HSF2BP: variants seen among roughly 807,000 people sequenced by gnomAD.
HSF2BP encodes the protein heat shock transcription factor 2 binding protein, also known as heat shock factor 2-binding protein.
A neutral mutation model predicts 35.0 loss-of-function variants in HSF2BP; 35 were observed. The ratio of observed to expected loss-of-function variants is 1.00; its 90% CI spans 0.76 to 1.32. The LOEUF (loss-of-function observed/expected upper bound fraction) is 1.32. HSF2BP is among the 40% of genes most tolerant of loss of function. The probability of loss-of-function intolerance (pLI) is 0.00; values close to 1 mark genes in which losing one functional copy is unlikely to be tolerated. For missense variants in HSF2BP, 326 were observed against 321.7 expected (o/e 1.01, Z -0.10); for synonymous variants, 114 against 117.4 (o/e 0.97, Z 0.18).
rs772144021 is a variant in HSF2BP, at chr21:43,597,729, C to T, written c.693-5401G>A. On this transcript the variant is annotated intron_variant, in intron 7 of 8. Transcript: ENST00000291560. This position sits in a 1 kb window ranked among gnomAD's most constrained non-coding sequence, Gnocchi z 4.3. The stretch of plus-strand genomic sequence containing the variant: ...ATGAGGTCTTGCCATCTTGCCAAGG[C>T]TGGTCTTGAATTCTCGGCCTCAGGC... 1.1e-4 allele frequency among the ~76,000 whole-genome samples: 17 copies of T among 152,170 alleles called. No individual in the cohort carries two copies. Among genetic ancestry groups the T allele is most frequent in the Non-Finnish European group, 2.5e-4 (17 of 68,038 alleles).
chr21:43,642,455 G>A (rs1458164517), intron 4 of HSF2BP, among the ~76,000 whole-genome samples: 2 of 152,154 alleles, frequency 1.3e-5, no homozygotes, highest in African/African-American at 4.8e-5. Context: ...TACAGATAAG[G>A]CAGCTGCTAG....
intron 8 of HSF2BP, among the ~76,000 whole-genome samples, chr21:43,579,313 C>A (rs901764128): frequency 6.6e-6 from 1 of 152,124 alleles, no homozygotes; most frequent in Non-Finnish European, 1.5e-5. Context: ...AGAATTCATG[C>A]AGAGTTATTA....
intron 4 of HSF2BP, 113 bp from the exon 5 acceptor site, chr21:43,633,534 G>A: frequency 2.0e-6 from 2 of 979,902 alleles, no homozygotes; most frequent in Non-Finnish European, 2.9e-6. Context: ...TATAATTATA[G>A]AAAATAGTTG....
intron 8 of HSF2BP, among the ~76,000 whole-genome samples, chr21:43,579,424 G>A (rs769806528): frequency 9.9e-5 from 15 of 152,184 alleles, no homozygotes; most frequent in Middle Eastern, 3.2e-3. Context: ...AGATGCCACC[G>A]TCTAAAGATG....
intron 4 of HSF2BP, among the ~76,000 whole-genome samples, chr21:43,636,727 A>G (rs2082564219): frequency 6.6e-6 from 1 of 152,004 alleles, no homozygotes; most frequent in South Asian, 2.1e-4. Flanking sequence ...CCCTGTCTCT[A>G]ATAAAAATAC....
At chr21:43,624,546 CAGGCCA>C (rs975352155) in intron 6 of HSF2BP, among the ~76,000 whole-genome samples, 8 of 152,134 alleles carry the variant, frequency 5.3e-5, no homozygotes, top group African/African-American at 1.9e-4. Flanking sequence ...GAGGGATTGG[CAGGCCA>C]AGAGCAGCCA....
At chr21:43,633,502 A>G in intron 4 of HSF2BP, 81 bp from the exon 5 acceptor site, 1 of 1,195,020 alleles carries the variant, frequency 8.4e-7, no homozygotes, top group Non-Finnish European at 1.1e-6. Context: ...TTTCACAAAG[A>G]TATTTATTAA....
intron 3 of HSF2BP, among the ~76,000 whole-genome samples, chr21:43,649,648 C>T (rs2082756272): frequency 6.6e-6 from 1 of 152,116 alleles, no homozygotes; most frequent in South Asian, 2.1e-4. Flanking sequence ...TGTCAACATA[C>T]AAAAATAATT....
intron 7 of HSF2BP, among the ~76,000 whole-genome samples, chr21:43,595,343 G>A (rs545634446): frequency 6.6e-6 from 1 of 152,018 alleles, no homozygotes; most frequent in Non-Finnish European, 1.5e-5. Context: ...AGAAAGAGAA[G>A]GCTGAGGTAG....
chr21:43,605,019 A>G (rs1187044338), intron 7 of HSF2BP, among the ~76,000 whole-genome samples: 1 of 148,226 alleles, frequency 6.7e-6, no homozygotes, highest in East Asian at 2.0e-4. Context: ...CACCACACAC[A>G]CATCACACAC....
chr21:43,603,980 A>T (rs1210385438), intron 7 of HSF2BP, among the ~76,000 whole-genome samples: 1 of 152,156 alleles, frequency 6.6e-6, no homozygotes, highest in Non-Finnish European at 1.5e-5. Flanking sequence ...TGGGGGAGGC[A>T]AAAAGAACAC....
At position 43,581,483 on chromosome 21, in the gene HSF2BP, C is replaced by T. The variant is rs2081731332; in HGVS notation, c.796+10742G>A. On this transcript the variant is annotated intron_variant, in intron 8 of 8. Coordinates refer to ENST00000291560, the MANE Select transcript of HSF2BP (RefSeq NM_007031.2). Reference sequence around the variant, plus strand: ...ATCTGAGGAAAAGCTATACAGCCCACCTGGACAGGGATAAAGCTGACTGCA... The same window carrying T: ...ATCTGAGGAAAAGCTATACAGCCCATCTGGACAGGGATAAAGCTGACTGCA... 3.3e-5 allele frequency among the ~76,000 whole-genome samples: 5 copies of T among 152,284 alleles called. 1 individual carries two copies. In the South Asian group the frequency reaches 1.0e-3, roughly 32 times the overall value.
rs549792307 is a variant in HSF2BP at position 43,658,116 on chromosome 21, C to G, written c.-20G>C. The G allele has an allele frequency of 3.9e-6, 6 of 1,524,742 alleles. No homozygotes were observed. In the South Asian group the frequency reaches 6.0e-5, roughly 15 times the overall value. 94.5% of individuals were successfully genotyped at this position (1,524,742 alleles called of 1,614,324 possible). On this transcript the variant is annotated 5_prime_UTR_variant, in exon 2 of 9. Transcript: ENST00000291560. ...GCCCATGGCCGCTGCCGCCTCCGCT[C>G]CGTTCGCCTGAGCGTCGGCGCGCCC...
At position 43,614,928 on chromosome 21, in the gene HSF2BP, T is replaced by C. The variant is rs116023966; in HGVS notation, c.575-981A>G. 4.5e-3 allele frequency among the ~76,000 whole-genome samples: 688 copies of C among 152,336 alleles called. 9 individuals carry two copies. Among genetic ancestry groups the C allele is most frequent in the African/African-American group, 0.016 (649 of 41,574 alleles). On this transcript the variant is annotated intron_variant, in intron 6 of 8. Coordinates refer to ENST00000291560, the MANE Select transcript of HSF2BP (RefSeq NM_007031.2). ...AATGGATTTTGAAGAAAACTTATTT[T>C]CTCAATTTTATGTCCCATTGTGGAA...
At chr21:43,635,014 T>G (rs2082532654) in intron 4 of HSF2BP, among the ~76,000 whole-genome samples, 1 of 152,034 alleles carries the variant, frequency 6.6e-6, no homozygotes, top group Non-Finnish European at 1.5e-5. Flanking sequence ...CTCACTACAG[T>G]CACATTTGGT....
chr21:43,467,647 C>G, the HSF2BP span, among the ~76,000 whole-genome samples: 1 of 151,572 alleles, frequency 6.6e-6, no homozygotes, highest in Non-Finnish European at 1.5e-5. Context: ...GGGTCTGAGC[C>G]CTTCCGCAAG....
chr21:43,585,173 T>C (rs1162806903), intron 8 of HSF2BP, among the ~76,000 whole-genome samples: 1 of 151,866 alleles, frequency 6.6e-6, no homozygotes, highest in African/African-American at 2.4e-5. Flanking sequence ...TAGCCAAGTA[T>C]GGTGGTGCAT....
At position 43,577,344 on chromosome 21, in the gene HSF2BP, C is replaced by T. The variant is rs533872598; in HGVS notation, c.796+14881G>A. Reference sequence around the variant, plus strand: ...AGGACACTTAGTGACTGTATTACTACAGAAACAGTCAAAATACTTCAACTG... The same window carrying T: ...AGGACACTTAGTGACTGTATTACTATAGAAACAGTCAAAATACTTCAACTG... On this transcript the variant is annotated intron_variant, in intron 8 of 8. Transcript: ENST00000291560. 9.2e-5 allele frequency among the ~76,000 whole-genome samples: 14 copies of T among 152,312 alleles called. No homozygotes were observed. The South Asian group carries it at 2.5e-3, about 27-fold the overall frequency.
intron 6 of HSF2BP, among the ~76,000 whole-genome samples, chr21:43,623,615 A>C (rs1176497144): frequency 2.6e-5 from 4 of 152,158 alleles, no homozygotes; most frequent in African/African-American, 9.7e-5. Context: ...CTGTTTGTTA[A>C]GAGGGTCTCA....
Sources: gnomAD v4.1 joint callset for allele counts (sites outside exome capture counted in the v4.1 genomes callset) on GRCh38, gnomAD v4.1.1 for gene constraint, Gnocchi (gnomAD v3.1) non-coding constraint, MANE v1.5 for transcripts, NCBI Gene and HGNC (gene_info 2026-07-23, HGNC 2026-07-21) for gene names.